Variants in SLC16A2 observed in about 807,000 individuals in gnomAD.
The protein encoded by SLC16A2 is solute carrier family 16 member 2.
Under a neutral mutation model 27.2 loss-of-function variants are expected in SLC16A2, and 3 were observed. The observed-to-expected ratio is 0.11, with a 90% CI of 0.05 to 0.28. The LOEUF (loss-of-function observed/expected upper bound fraction) is 0.28. SLC16A2 is among the 10% of genes least tolerant of loss of function. The probability of loss-of-function intolerance (pLI) is 1.00; values close to 1 mark genes in which losing one functional copy is unlikely to be tolerated. For synonymous variants in SLC16A2, 202 were observed against 187.8 expected (o/e 1.08, Z -0.62); for missense variants, 295 against 458.5 (o/e 0.64, Z 3.26).
chrX:74,427,817 A>ACGCGCGCGCG (rs1928438192), intron 1 of SLC16A2, among the ~76,000 whole-genome samples: 3 of 106,958 alleles, frequency 2.8e-5, no homozygotes, highest in African/African-American at 1.0e-4. Flanking sequence ...GCGCGCACAC[A>ACGCGCGCGCG]CACACACACA....
intron 1 of SLC16A2, among the ~76,000 whole-genome samples, chrX:74,495,702 G>A (rs1442546438): frequency 1.8e-5 from 2 of 109,665 alleles, no homozygotes; most frequent in Non-Finnish European, 3.8e-5. Flanking sequence ...CCAGGAAAAG[G>A]AGACCCATAC....
chrX:74,531,184 A>G (rs774882425), intron 5 of SLC16A2, 149 bp from the exon 6 acceptor site: 15 of 515,739 alleles, frequency 2.9e-5, no homozygotes, highest in Non-Finnish European at 4.2e-5. Flanking sequence ...TGCAGCCCCA[A>G]TGCCTTGAAG....
chrX:74,482,904 T>C (rs141569754), intron 1 of SLC16A2, among the ~76,000 whole-genome samples: 40 of 111,632 alleles, frequency 3.6e-4, no homozygotes, highest in African/African-American at 1.3e-3. Context: ...AGATGGGCAC[T>C]GTGTTGCCCA....
rs752449518 is a variant in SLC16A2, at chrX:74,506,933, ATTTATTTTTT to A, written c.431-14053_431-14044del. 2.9e-3 allele frequency among the ~76,000 whole-genome samples: 86 copies of A among 29,946 alleles called. 1 individual carries two copies. Among genetic ancestry groups the A allele is most frequent in the Non-Finnish European group, 8.2e-3 (77 of 9,344 alleles). 26.0% of individuals were successfully genotyped at this position (29,946 alleles called of 115,157 possible). A position where few individuals can be genotyped will look rare whatever the true frequency, so the allele number is the denominator to read the frequency against. On this transcript the variant is annotated intron_variant, in intron 1 of 5. Coordinates refer to ENST00000587091, the MANE Select transcript of SLC16A2 (RefSeq NM_006517.5). ...TATTTATTTATTTATTTATTTATTT[ATTTATTTTTT>A]TTTTTTTGAGGCAGGGTCTCGCTTT...
At chrX:74,469,909 C>T (rs1166330169) in intron 1 of SLC16A2, among the ~76,000 whole-genome samples, 1 of 111,941 alleles carries the variant, frequency 8.9e-6, no homozygotes, top group African/African-American at 3.2e-5. Flanking sequence ...TACATAATAA[C>T]ATGTGTCTAC....
intron 1 of SLC16A2, among the ~76,000 whole-genome samples, chrX:74,467,665 T>C (rs1377257336): frequency 8.9e-6 from 1 of 112,042 alleles, no homozygotes; most frequent in Non-Finnish European, 1.9e-5. Context: ...CCAGAGAGCC[T>C]TTGTAACTAC....
rs1284088967 is a variant in SLC16A2 at position 74,524,715 on chromosome X, T to C, written c.932T>C (p.Phe311Ser). The stretch of plus-strand genomic sequence containing the variant: ...TTTCTGGCTCAGCTCAGGAAGTACT[T>C]CAACATGCGAGTGTTCCGCCAACGC... Reference protein sequence around the residue: ...QRFLAQLRKYFNMRVFRQRTY... With the variant: ...QRFLAQLRKYSNMRVFRQRTY... Residue 311 changes from phenylalanine (F) to serine (S), a missense_variant, in exon 3 of 6, where the codon TTC (phenylalanine) becomes TCC (serine). This residue lies in a region of SLC16A2 where 144 missense variants were observed against 219.8 expected (regional missense o/e 0.66). Transcript: ENST00000587091. 1 of 1,209,938 alleles carries C rather than the reference T, an allele frequency of 8.3e-7. No homozygotes were observed. The highest frequency in any genetic ancestry group is 1.1e-6 in the Non-Finnish European group (1 of 895,271).
chrX:74,432,284 G>A (rs988548737), intron 1 of SLC16A2, among the ~76,000 whole-genome samples: 1 of 111,411 alleles, frequency 9.0e-6, no homozygotes, highest in Non-Finnish European at 1.9e-5. Context: ...GGGACATCAA[G>A]CATAGAAGGA....
chrX:74,473,464 C>G, intron 1 of SLC16A2: 1 of 544,192 alleles, frequency 1.8e-6, no homozygotes, highest in Admixed American at 2.3e-5. Flanking sequence ...GAATGACAGT[C>G]TTATCCATGG....
At position 74,530,681 on chromosome X, in the gene SLC16A2, AGGCCAAG is replaced by A. The variant is rs1333154855; in HGVS notation, c.1400-647_1400-641del. 4.5e-5 allele frequency among the ~76,000 whole-genome samples: 5 copies of A among 111,309 alleles called. No individual in the cohort carries two copies. The Admixed American group carries it at 4.8e-4, about 11-fold the overall frequency. The stretch of plus-strand genomic sequence containing the variant: ...TTTGCTTAACTCCTGAGTAAGCAAA[AGGCCAAG>A]GGCCTTTTTGCCTTTTCTGAATACT... On this transcript the variant is annotated intron_variant, in intron 5 of 5. Coordinates refer to ENST00000587091, the MANE Select transcript of SLC16A2 (RefSeq NM_006517.5).
At chrX:74,517,905 T>A (rs1055259306) in intron 1 of SLC16A2, among the ~76,000 whole-genome samples, 5 of 112,402 alleles carry the variant, frequency 4.4e-5, no homozygotes, top group African/African-American at 1.6e-4. Context: ...TGAGTCTGGC[T>A]TCGTTTACTT....
chrX:74,455,603 G>A (rs1196764682), intron 1 of SLC16A2, among the ~76,000 whole-genome samples: 1 of 110,879 alleles, frequency 9.0e-6, no homozygotes, highest in African/African-American at 3.3e-5. Context: ...GGAGTAAGGG[G>A]TAGTGGAGGA....
intron 1 of SLC16A2, among the ~76,000 whole-genome samples, chrX:74,471,520 T>C (rs950112257): frequency 1.8e-5 from 2 of 111,994 alleles, no homozygotes; most frequent in Admixed American, 1.9e-4. Flanking sequence ...GTTTTAAATA[T>C]ATATTCTGGA....
intron 1 of SLC16A2, among the ~76,000 whole-genome samples, chrX:74,425,007 C>A (rs184238280): frequency 1.8e-5 from 2 of 111,967 alleles, no homozygotes; most frequent in East Asian, 5.6e-4. Context: ...TACAGGCATG[C>A]GCCACCACAC....
chrX:74,459,748 C>A (rs993926461), intron 1 of SLC16A2, among the ~76,000 whole-genome samples: 3 of 111,416 alleles, frequency 2.7e-5, no homozygotes, highest in Non-Finnish European at 5.6e-5. Context: ...CAACTCCTAC[C>A]TCACCTCCTT....
chrX:74,436,198 CGTGT>C (rs59105242), intron 1 of SLC16A2, among the ~76,000 whole-genome samples: 7 of 107,322 alleles, frequency 6.5e-5, no homozygotes, highest in African/African-American at 1.4e-4. Flanking sequence ...AGAGTGTGTA[CGTGT>C]GTGTGTGTGT....
chrX:74,453,607 T>C (rs1288959108), intron 1 of SLC16A2, among the ~76,000 whole-genome samples: 1 of 111,416 alleles, frequency 9.0e-6, no homozygotes, highest in African/African-American at 3.3e-5. Flanking sequence ...AGGGTCTCAC[T>C]ATGTTTCCCA....
chrX:74,479,233 T>C (rs1478806706), intron 1 of SLC16A2, among the ~76,000 whole-genome samples: 1 of 112,143 alleles, frequency 8.9e-6, no homozygotes, highest in African/African-American at 3.2e-5. Flanking sequence ...TTTCATTCAT[T>C]TGATCTTCCA....
intron 1 of SLC16A2, among the ~76,000 whole-genome samples, chrX:74,485,840 C>T (rs1929707703): frequency 9.0e-6 from 1 of 111,172 alleles, no homozygotes; most frequent in South Asian, 3.8e-4. Context: ...CAGTGGACAC[C>T]CTGCCGGATC....
Sources: allele counts gnomAD v4.1 joint callset (sites outside exome capture counted in the v4.1 genomes callset), GRCh38; gene constraint gnomAD v4.1.1; regional missense constraint gnomAD v4.1.1; transcripts MANE v1.5; gene names NCBI Gene and HGNC (gene_info 2026-07-23, HGNC 2026-07-21).